Variants in TUBGCP4 observed in about 807,000 individuals in gnomAD.
TUBGCP4 encodes gamma-tubulin complex component 4.
TUBGCP4 carries 54 observed loss-of-function variants against 91.6 expected under a neutral mutation model. The observed-to-expected ratio is 0.59, with a 90% CI of 0.47 to 0.74. The LOEUF (loss-of-function observed/expected upper bound fraction) is 0.74. TUBGCP4 is among the 30% of genes least tolerant of loss of function. The probability of loss-of-function intolerance (pLI) is 0.00; values close to 1 mark genes in which losing one functional copy is unlikely to be tolerated. For missense variants in TUBGCP4, 593 were observed against 800.9 expected (o/e 0.74, Z 3.13); for synonymous variants, 297 against 302.8 (o/e 0.98, Z 0.20).
rs193220357 is a variant in TUBGCP4, at chr15:43,408,097, G to A, written c.*2883G>A. On this transcript the variant is annotated 3_prime_UTR_variant, in exon 18 of 18. Coordinates refer to ENST00000564079, the MANE Select transcript of TUBGCP4 (RefSeq NM_014444.5). ...GATTTTCACGGGGTTGCCTATGAAG[G>A]AGACAGGAAAGGACCTTAGCATGAC... 6.2e-7 allele frequency: 1 copy of A among 1,613,418 alleles called. No homozygotes were observed. Among genetic ancestry groups the A allele is most frequent in the South Asian group, 1.1e-5 (1 of 90,936 alleles).
At chr15:43,393,371 A>G (rs1286040273) in intron 9 of TUBGCP4, among the ~76,000 whole-genome samples, 1 of 151,460 alleles carries the variant, frequency 6.6e-6, no homozygotes, top group Non-Finnish European at 1.5e-5. Context: ...CACCACGCCC[A>G]GCCAGTTTTT....
Position 43,407,800 on chromosome 15 carries a change from C to G in TUBGCP4, c.*2586C>G. 1.1e-6 allele frequency: 1 copy of G among 893,648 alleles called. No homozygotes were observed. The highest frequency in any genetic ancestry group is 1.7e-6 in the Non-Finnish European group (1 of 585,400). 55.4% of individuals were successfully genotyped at this position (893,648 alleles called of 1,614,324 possible). On this transcript the variant is annotated 3_prime_UTR_variant, in exon 18 of 18. Transcript: ENST00000564079. ...CCAGTGCTTCACTTATGTTGACTCACCTCTTGAAGGTGGTACTTTTCTTCT... is the reference window on the plus strand; with the variant it reads ...CCAGTGCTTCACTTATGTTGACTCAGCTCTTGAAGGTGGTACTTTTCTTCT...
chr15:43,375,091 CAG>C (rs1595475749), intron 1 of TUBGCP4, among the ~76,000 whole-genome samples: 1 of 152,332 alleles, frequency 6.6e-6, no homozygotes, highest in East Asian at 1.9e-4. Flanking sequence ...TTAGTAGAGA[CAG>C]GGTTTCATCA....
chr15:43,392,204 T>C (rs1283822547), intron 9 of TUBGCP4, among the ~76,000 whole-genome samples: 1 of 151,608 alleles, frequency 6.6e-6, no homozygotes, highest in Non-Finnish European at 1.5e-5. Flanking sequence ...TTTTTTTTAC[T>C]CTTTCCCAGG....
intron 7 of TUBGCP4, among the ~76,000 whole-genome samples, chr15:43,385,082 CG>C (rs963855377): frequency 1.3e-5 from 2 of 151,896 alleles, no homozygotes; most frequent in Middle Eastern, 3.2e-3. Flanking sequence ...TGCTGGTATG[CG>C]GGGAAGAAGA....
At chr15:43,403,639 G>GTACC (rs778448332) in intron 15 of TUBGCP4, 44 bp from the exon 16 acceptor site, 2 of 1,386,958 alleles carry the variant, frequency 1.4e-6, no homozygotes, top group Non-Finnish European at 2.0e-6. Context: ...CTTCATGGAT[G>GTACC]TACCTTCCTT....
At chr15:43,373,853 C>T (rs915703632) in intron 1 of TUBGCP4, among the ~76,000 whole-genome samples, 3 of 151,988 alleles carry the variant, frequency 2.0e-5, no homozygotes, top group Admixed American at 6.6e-5. Context: ...GGGGTTTCAC[C>T]GTGTTAGCCA....
intron 9 of TUBGCP4, 136 bp downstream of exon 9, chr15:43,386,466 T>A (rs556326706): frequency 4.7e-4 from 69 of 147,548 alleles, no homozygotes; most frequent in Non-Finnish European, 8.3e-4. Flanking sequence ...GGCTCACGCA[T>A]GCAGTCTCAA....
At chr15:43,372,291 G>A (rs2044135898) in intron 1 of TUBGCP4, among the ~76,000 whole-genome samples, 1 of 152,210 alleles carries the variant, frequency 6.6e-6, no homozygotes, top group South Asian at 2.1e-4. Context: ...AAGACATGCC[G>A]ATTCTTAGGA....
intron 1 of TUBGCP4, 43 bp downstream of exon 1, chr15:43,371,475 G>T (rs755845196): frequency 1.9e-6 from 3 of 1,603,402 alleles, no homozygotes; most frequent in Non-Finnish European, 2.6e-6. Context: ...AGCGCAGGAG[G>T]GGGGACCTGA....
Position 43,406,548 on chromosome 15 carries a change from A to G in TUBGCP4, c.*1334A>G. 2.2e-6 allele frequency: 1 copy of G among 455,534 alleles called. No homozygotes were observed. The highest frequency in any genetic ancestry group is 1.6e-5 in the South Asian group (1 of 64,460). The allele number at this position is 455,534 out of a possible 1,614,324, so 28.2% of individuals were successfully genotyped here. A position where few individuals can be genotyped will look rare whatever the true frequency, so the allele number is the denominator to read the frequency against. On this transcript the variant is annotated 3_prime_UTR_variant, in exon 18 of 18. Transcript: ENST00000564079. Reference sequence around the variant, plus strand: ...CTCACAGCAAAGGCGAGTAGTTGTGATGGATCAAATGGCCCACAAAGCCTG... The same window carrying G: ...CTCACAGCAAAGGCGAGTAGTTGTGGTGGATCAAATGGCCCACAAAGCCTG...
intron 5 of TUBGCP4, 130 bp downstream of exon 5, chr15:43,378,033 T>C (rs781698383): frequency 1.5e-6 from 1 of 658,530 alleles, no homozygotes; most frequent in Non-Finnish European, 2.5e-6. Flanking sequence ...TTTAACAATA[T>C]CTGCTTGGTT....
chr15:43,404,584 T>C (rs2044794112), intron 17 of TUBGCP4, 32 bp downstream of exon 17: 2 of 1,605,542 alleles, frequency 1.2e-6, no homozygotes, highest in African/African-American at 2.7e-5. Context: ...CTCAGTAGAC[T>C]TTTTAAGGTG....
chr15:43,395,771 G>C, intron 11 of TUBGCP4, 83 bp downstream of exon 11: 1 of 1,132,992 alleles, frequency 8.8e-7, no homozygotes. Flanking sequence ...TTTAAGGCCT[G>C]CTCCACATAA....
At position 43,386,269 on chromosome 15, in the gene TUBGCP4, C is replaced by T; in HGVS notation, c.953C>T (p.Pro318Leu). The T allele has an allele frequency of 6.2e-7, 1 of 1,600,772 alleles. No individual in the cohort carries two copies. The highest frequency in any genetic ancestry group is 8.5e-7 in the Non-Finnish European group (1 of 1,175,480). Residue 318 changes from proline (P) to leucine (L), a missense_variant, in exon 9 of 18, where the codon CCA (proline) becomes CTA (leucine). Pro to Leu is a moderately conservative substitution (Grantham distance 98). Coordinates refer to ENST00000564079, the MANE Select transcript of TUBGCP4 (RefSeq NM_014444.5). ...AAELHRLKQQ[P>L]LFSLVDFEQV... ...GAGCTGCACCGTCTCAAGCAGCAGC[C>T]ACTCTTCAGCTTGGTGGACTTTGAA...
At chr15:43,378,952 T>C (rs1228887135) in intron 5 of TUBGCP4, among the ~76,000 whole-genome samples, 1 of 152,218 alleles carries the variant, frequency 6.6e-6, no homozygotes, top group Non-Finnish European at 1.5e-5. Context: ...AAAGGAGACA[T>C]TCTAGGCAAA....
chr15:43,407,793 T>C lies in TUBGCP4; in HGVS notation c.*2579T>C. The C allele has an allele frequency of 3.5e-6, 3 of 850,856 alleles. No homozygotes were observed. The highest frequency in any genetic ancestry group is 5.5e-6 in the Non-Finnish European group (3 of 547,768). 52.7% of individuals were successfully genotyped at this position (850,856 alleles called of 1,614,324 possible). On this transcript the variant is annotated 3_prime_UTR_variant, in exon 18 of 18. Coordinates refer to ENST00000564079, the MANE Select transcript of TUBGCP4 (RefSeq NM_014444.5). ...TATACGTCCAGTGCTTCACTTATGT[T>C]GACTCACCTCTTGAAGGTGGTACTT...
Position 43,405,539 on chromosome 15 carries a change from T to C in TUBGCP4, c.*325T>C, listed in dbSNP as rs1454374556. On this transcript the variant is annotated 3_prime_UTR_variant, in exon 18 of 18. Coordinates refer to ENST00000564079, the MANE Select transcript of TUBGCP4 (RefSeq NM_014444.5). ...TTGGTACTGTTCAAGCTGTGGGAGA[T>C]ACAGCGGTAAACAAACAATATAGAG... 2 of 335,278 alleles carry C rather than the reference T, an allele frequency of 6.0e-6. No homozygotes were observed. Among genetic ancestry groups the C allele is most frequent in the Non-Finnish European group, 1.1e-5 (2 of 183,318 alleles). The allele number at this position is 335,278 out of a possible 1,614,324, so 20.8% of individuals were successfully genotyped here.
intron 14 of TUBGCP4, 139 bp from the exon 15 acceptor site, chr15:43,401,576 CT>C: frequency 2.3e-6 from 2 of 863,812 alleles, no homozygotes; most frequent in Non-Finnish European, 1.8e-6. Context: ...ATAAGGGTGT[CT>C]TTGGTCAGCC....
Sources: allele counts gnomAD v4.1 joint callset (sites outside exome capture counted in the v4.1 genomes callset), GRCh38; gene constraint gnomAD v4.1.1; transcripts MANE v1.5; gene names NCBI Gene and HGNC (gene_info 2026-07-23, HGNC 2026-07-21).